Variants in CCDC33 observed in about 807,000 individuals in gnomAD.
The protein encoded by CCDC33 is coiled-coil domain-containing protein 33.
A neutral mutation model predicts 91.9 loss-of-function variants in CCDC33; 94 were observed. That is an observed-to-expected ratio of 1.02 (90% CI 0.87 to 1.21). The LOEUF (loss-of-function observed/expected upper bound fraction) is 1.21, where lower values mean the gene tolerates loss of function less well. Among genes scored for constraint, CCDC33 ranks in the 50% most tolerant of loss-of-function variants. The pLI is 0.00. For missense variants in CCDC33, 940 were observed against 935.5 expected (o/e 1.00, Z -0.06); for synonymous variants, 396 against 374.5 (o/e 1.06, Z -0.66).
In CCDC33 at chr15:74,292,894, G is replaced by T. The variant is rs145961721; in HGVS notation, c.1096-2860G>T. On this transcript the variant is annotated intron_variant, in intron 10 of 18. Coordinates refer to ENST00000398814, the MANE Select transcript of CCDC33 (RefSeq NM_025055.5). ...CCCACCCCCACCTCACCCCATAAGA[G>T]ACTGATGGGGTAAAGGCACTGGTCT... is the stretch of plus-strand genomic sequence containing the variant. Among the ~76,000 whole-genome samples, 1,013 of 152,226 alleles carry T rather than the reference G, an allele frequency of 6.7e-3. 12 individuals are homozygous for T. The highest frequency in any genetic ancestry group is 0.023 in the African/African-American group (962 of 41,546).
intron 11 of CCDC33, among the ~76,000 whole-genome samples, chr15:74,329,840 G>A (rs189848756): frequency 6.6e-6 from 1 of 152,208 alleles, no homozygotes; most frequent in Non-Finnish European, 1.5e-5. Context: ...AAATAGCTAT[G>A]ATCGAGCCAG....
chr15:74,226,192 T>C (rs1043508193), intron 2 of CCDC33, among the ~76,000 whole-genome samples: 2 of 151,986 alleles, frequency 1.3e-5, no homozygotes, highest in Non-Finnish European at 2.9e-5. Context: ...TCCAAGCCGA[T>C]TGTGGAGGAA....
chr15:74,331,235 C>G lies in CCDC33; in HGVS notation c.1710C>G (p.Asp570Glu), dbSNP rs777084011. ...VIEKMERVLEDRLQDRSKPPP... is the reference protein window; with the variant it reads ...VIEKMERVLEERLQDRSKPPP... ...AGAAGATGGAGCGGGTGCTGGAGGACAGGCTGCAGGACAGGAGCAAGCCCC... is the reference window on the plus strand; with the variant it reads ...AGAAGATGGAGCGGGTGCTGGAGGAGAGGCTGCAGGACAGGAGCAAGCCCC... The change falls in exon 15 of 19, where the codon GAC becomes GAG. Residue 570 changes from aspartate to glutamate, a missense_variant. Physicochemically the swap from Asp to Glu is conservative, Grantham distance 45. Transcript: ENST00000398814. 2 of 1,614,148 alleles carry G rather than the reference C, an allele frequency of 1.2e-6. No homozygotes were observed. The highest frequency in any genetic ancestry group is 2.2e-5 in the South Asian group (2 of 91,088).
Position 74,306,951 on chromosome 15 carries a change from T to A in CCDC33, c.1290+11003T>A, listed in dbSNP as rs1268722422. ...TCCTGGGCCTCCGTCTCCCCTCCTGTGGAGTGAGGAGCCTGGTCTTGACAA... is the reference window on the plus strand; with the variant it reads ...TCCTGGGCCTCCGTCTCCCCTCCTGAGGAGTGAGGAGCCTGGTCTTGACAA... On this transcript the variant is annotated intron_variant, in intron 11 of 18. Coordinates refer to ENST00000398814, the MANE Select transcript of CCDC33 (RefSeq NM_025055.5). 2.0e-5 allele frequency among the ~76,000 whole-genome samples: 3 copies of A among 152,300 alleles called. No homozygotes were observed. The East Asian group carries it at 5.8e-4, about 29-fold the overall frequency.
At chr15:74,266,913 T>G in intron 4 of CCDC33, 126 bp downstream of exon 4, 1 of 646,688 alleles carries the variant, frequency 1.5e-6, no homozygotes, top group Non-Finnish European at 2.7e-6. Context: ...TCTAGGACCA[T>G]GTGGGGCTCA....
At chr15:74,258,644 G>T (rs2075939770) in intron 2 of CCDC33, among the ~76,000 whole-genome samples, 1 of 152,138 alleles carries the variant, frequency 6.6e-6, no homozygotes, top group Non-Finnish European at 1.5e-5. Flanking sequence ...ATGCATTTGT[G>T]CGCATGTGTG....
intron 2 of CCDC33, among the ~76,000 whole-genome samples, chr15:74,209,922 G>A (rs2074344624): frequency 1.3e-5 from 2 of 152,202 alleles, no homozygotes; most frequent in African/African-American, 4.8e-5. Context: ...AGGAGAAAGG[G>A]AGTGCCATCT....
chr15:74,215,149 G>A (rs1043270502), upstream of CCDC33, among the ~76,000 whole-genome samples: 5 of 152,268 alleles, frequency 3.3e-5, no homozygotes, highest in Non-Finnish European at 5.9e-5. Context: ...GGCTGCTGTC[G>A]GGTGGAGCTG....
At chr15:74,248,983 C>G (rs2075620866) in intron 2 of CCDC33, among the ~76,000 whole-genome samples, 1 of 152,162 alleles carries the variant, frequency 6.6e-6, no homozygotes, top group Non-Finnish European at 1.5e-5. Context: ...TGCCTTAAAT[C>G]AGCTTAGATC....
chr15:74,304,742 T>C (rs2059859919), intron 11 of CCDC33, among the ~76,000 whole-genome samples: 1 of 152,082 alleles, frequency 6.6e-6, no homozygotes, highest in East Asian at 1.9e-4. Context: ...GGCAAAGCTA[T>C]GAGCCAGTCC....
At chr15:74,304,936 G>GCTT (rs1300732393) in intron 11 of CCDC33, among the ~76,000 whole-genome samples, 1 of 137,196 alleles carries the variant, frequency 7.3e-6, no homozygotes, top group Non-Finnish European at 1.6e-5. Flanking sequence ...ACCTGCTTCT[G>GCTT]CTTCTTCTTC....
At chr15:74,331,717 C>T (rs1388880568) in intron 15 of CCDC33, among the ~76,000 whole-genome samples, 1 of 152,194 alleles carries the variant, frequency 6.6e-6, no homozygotes, top group Non-Finnish European at 1.5e-5. Context: ...AGCAAACAAA[C>T]AAAAATACTT....
intron 11 of CCDC33, among the ~76,000 whole-genome samples, chr15:74,314,839 A>C (rs1258914989): frequency 6.6e-6 from 1 of 152,174 alleles, no homozygotes; most frequent in Admixed American, 6.5e-5. Flanking sequence ...CTCTGCTCTC[A>C]CATGGCCCAT....
chr15:74,332,369 G>A (rs2060457452), intron 15 of CCDC33, among the ~76,000 whole-genome samples: 2 of 152,208 alleles, frequency 1.3e-5, no homozygotes, highest in Admixed American at 1.3e-4. Context: ...CTAGGGAGGG[G>A]AAACAGCCAG....
chr15:74,329,753 G>T (rs143709258), intron 11 of CCDC33, among the ~76,000 whole-genome samples: 1 of 152,362 alleles, frequency 6.6e-6, no homozygotes, highest in East Asian at 1.9e-4. Context: ...ATTTCTGAGA[G>T]GTTCTTCCCT....
In CCDC33 at chr15:74,335,215, G is replaced by T. The variant is rs772718727; in HGVS notation, c.2139+127G>T. Reference sequence around the variant, plus strand: ...CCAACTCCAGGGCTGGGGGTCAGGAGTCCTAGGCTCCCATTCCTGCTCCAT... The same window carrying T: ...CCAACTCCAGGGCTGGGGGTCAGGATTCCTAGGCTCCCATTCCTGCTCCAT... On this transcript the variant is annotated intron_variant, in intron 18 of 18. Coordinates refer to ENST00000398814, the MANE Select transcript of CCDC33 (RefSeq NM_025055.5). 3.7e-6 allele frequency: 3 copies of T among 803,354 alleles called. No homozygotes were observed. In the South Asian group the frequency reaches 4.0e-5, roughly 11 times the overall value. 49.8% of individuals were successfully genotyped at this position (803,354 alleles called of 1,614,324 possible).
chr15:74,313,386 C>T (rs1358120050), intron 11 of CCDC33, among the ~76,000 whole-genome samples: 1 of 151,850 alleles, frequency 6.6e-6, no homozygotes, highest in African/African-American at 2.4e-5. Context: ...CCTTCCAACC[C>T]CAGCACAGAT....
intron 11 of CCDC33, among the ~76,000 whole-genome samples, chr15:74,308,696 A>G (rs1430371622): frequency 6.6e-6 from 1 of 152,226 alleles, no homozygotes; most frequent in African/African-American, 2.4e-5. Context: ...CTCTGGTGGC[A>G]CTAAGCCTCT....
At chr15:74,286,205 C>T (rs1403563285) in intron 10 of CCDC33, among the ~76,000 whole-genome samples, 11 of 152,124 alleles carry the variant, frequency 7.2e-5, no homozygotes, top group Non-Finnish European at 1.5e-4. Context: ...AAGATCATGC[C>T]ACTGCACTCC....
Sources: gnomAD v4.1 joint callset for allele counts (sites outside exome capture counted in the v4.1 genomes callset) on GRCh38, gnomAD v4.1.1 for gene constraint, MANE v1.5 for transcripts, NCBI Gene and HGNC (gene_info 2026-07-23, HGNC 2026-07-21) for gene names.